Variants in PTPN11 observed in about 807,000 individuals in gnomAD.
PTPN11 encodes protein tyrosine phosphatase non-receptor type 11.
Under a neutral mutation model 78.8 loss-of-function variants are expected in PTPN11, and 6 were observed. That is an observed-to-expected ratio of 0.08 (90% confidence interval 0.04 to 0.15). The LOEUF (loss-of-function observed/expected upper bound fraction) is 0.15, where lower values mean the gene tolerates loss of function less well. Among genes scored for constraint, PTPN11 ranks in the 10% least tolerant of loss-of-function variants. The pLI is 1.00. For missense variants in PTPN11, 386 were observed against 744.8 expected, an observed-to-expected ratio of 0.52 and a Z score of 5.61; for synonymous variants, 221 against 263.5, an observed-to-expected ratio of 0.84 and a Z score of 1.56.
intron 3 of PTPN11, 99 bp from the exon 4 acceptor site, chr12:112,453,096 A>G: frequency 9.7e-7 from 1 of 1,033,188 alleles, no homozygotes; most frequent in South Asian, 1.4e-5. Flanking sequence ...CTACTTTTTA[A>G]TTGTGTTTAG....
intron 4 of PTPN11, 69 bp downstream of exon 4, chr12:112,453,456 A>C: frequency 8.1e-7 from 1 of 1,227,712 alleles, no homozygotes; most frequent in South Asian, 1.2e-5. Flanking sequence ...CTGACAGAAG[A>C]CAGACACCAT....
intron 2 of PTPN11, among the ~76,000 whole-genome samples, chr12:112,449,391 C>T (rs1429850300): frequency 6.6e-6 from 1 of 151,638 alleles, no homozygotes; most frequent in African/African-American, 2.4e-5. Flanking sequence ...CCTGTAGTCC[C>T]AGCTACTTGG....
chr12:112,488,577 A>G (rs2038708083), intron 12 of PTPN11, 67 bp downstream of exon 12: 8 of 1,475,930 alleles, frequency 5.4e-6, no homozygotes, highest in Non-Finnish European at 7.6e-6. Flanking sequence ...AGTGCTCACG[A>G]AAACAGTCTG....
intron 1 of PTPN11, among the ~76,000 whole-genome samples, chr12:112,443,791 T>A (rs959532317): frequency 1.9e-4 from 29 of 152,000 alleles, no homozygotes; most frequent in Admixed American, 1.4e-3. Context: ...TAGCTGGGAC[T>A]ATAGGCACAC....
At chr12:112,475,052 T>C (rs1427272399) in intron 7 of PTPN11, among the ~76,000 whole-genome samples, 1 of 152,174 alleles carries the variant, frequency 6.6e-6, no homozygotes, top group Non-Finnish European at 1.5e-5. Context: ...CCAGTCACAG[T>C]TCCTCTCTCC....
At position 112,507,933 on chromosome 12, in the gene PTPN11, A is replaced by G. The variant is rs1305563622; in HGVS notation, c.*2141A>G. ...ACTGCTGTCTTCTAGTCAAACTTGT[A>G]AAGAAAAAGATTCCAGTTCAGTATT... On this transcript the variant is annotated 3_prime_UTR_variant, in exon 16 of 16. Coordinates refer to ENST00000351677, the MANE Select transcript of PTPN11 (RefSeq NM_002834.5). 1.3e-5 allele frequency: 2 copies of G among 152,664 alleles called. No individual in the cohort carries two copies. Among genetic ancestry groups the G allele is most frequent in the African/African-American group, 4.8e-5 (2 of 41,448 alleles). 9.5% of individuals were successfully genotyped at this position (152,664 alleles called of 1,614,324 possible). A position where few individuals can be genotyped will look rare whatever the true frequency, so the allele number is the denominator to read the frequency against.
intron 9 of PTPN11, among the ~76,000 whole-genome samples, chr12:112,479,781 A>G (rs1467669622): frequency 6.6e-6 from 1 of 152,196 alleles, no homozygotes; most frequent in African/African-American, 2.4e-5. Flanking sequence ...AATCAGTATC[A>G]GTCCCTTTCA....
chr12:112,485,016 T>C (rs563944329), intron 10 of PTPN11, among the ~76,000 whole-genome samples: 1 of 152,158 alleles, frequency 6.6e-6, no homozygotes, highest in East Asian at 1.9e-4. Context: ...ATCCCTGCAC[T>C]TTGGGAGGCT....
chr12:112,442,856 ATATATATATATATATATAT>A (rs2037923310), intron 1 of PTPN11, among the ~76,000 whole-genome samples: 4 of 97,834 alleles, frequency 4.1e-5, no homozygotes, highest in East Asian at 1.1e-3. Flanking sequence ...ATATATATAT[ATATATATATATATATATAT>A]ATAAATTATA....
chr12:112,488,371 A>G (rs1210955113), intron 11 of PTPN11, 72 bp from the exon 12 acceptor site: 3 of 1,204,182 alleles, frequency 2.5e-6, no homozygotes, highest in Admixed American at 3.4e-5. Context: ...GTTGATATTA[A>G]TGGCTTGGTT....
At chr12:112,450,266 G>A (rs2135861583) in intron 2 of PTPN11, 52 bp from the exon 3 acceptor site, 1 of 1,474,172 alleles carries the variant, frequency 6.8e-7, no homozygotes, top group Non-Finnish European at 9.5e-7. Context: ...TGATTTTACT[G>A]GTGTAACTCT....
chr12:112,435,262 C>T (rs2037772119), intron 1 of PTPN11, among the ~76,000 whole-genome samples: 1 of 152,144 alleles, frequency 6.6e-6, no homozygotes, highest in African/African-American at 2.4e-5. Flanking sequence ...TCAAGCAATC[C>T]TCCCACCTCA....
chr12:112,469,790 T>C (rs1470620525), intron 6 of PTPN11, among the ~76,000 whole-genome samples: 2 of 152,216 alleles, frequency 1.3e-5, no homozygotes, highest in African/African-American at 4.8e-5. Context: ...GCTGGGATTA[T>C]AGGCTTGAGC....
rs1438093199 is a variant in PTPN11, at chr12:112,443,134, C to G, written c.15-3142C>G. ...GTATATCACCAAATGTATATTATAA[C>G]AAGACTACCATCAAATCCTTATATC... On this transcript the variant is annotated intron_variant, in intron 1 of 15. Transcript: ENST00000351677. 4.6e-5 allele frequency among the ~76,000 whole-genome samples: 7 copies of G among 151,392 alleles called. 1 individual carries two copies. Among genetic ancestry groups the G allele is most frequent in the Non-Finnish European group, 8.8e-5 (6 of 67,898 alleles).
At chr12:112,487,807 A>G (rs2038698417) in intron 11 of PTPN11, among the ~76,000 whole-genome samples, 1 of 152,078 alleles carries the variant, frequency 6.6e-6, no homozygotes, top group African/African-American at 2.4e-5. Context: ...TTTTTGAGAC[A>G]GAGTCTCACT....
intron 1 of PTPN11, among the ~76,000 whole-genome samples, chr12:112,437,133 C>G (rs1379616114): frequency 6.6e-6 from 1 of 151,890 alleles, no homozygotes; most frequent in Non-Finnish European, 1.5e-5. Context: ...ATTGTTTCAT[C>G]TTTTACGTTT....
At chr12:112,457,477 T>A in intron 6 of PTPN11, 1 of 176,568 alleles carries the variant, frequency 5.7e-6, no homozygotes, top group South Asian at 9.9e-5. Context: ...GCAATAAACA[T>A]ATGTGTGCAT....
At chr12:112,426,316 G>A (rs952389062) in intron 1 of PTPN11, among the ~76,000 whole-genome samples, 6 of 152,044 alleles carry the variant, frequency 3.9e-5, no homozygotes, top group African/African-American at 1.4e-4. Context: ...GAGTGCAGTG[G>A]CACCATCTTG....
chr12:112,501,084 T>G (rs1370477174), intron 13 of PTPN11, among the ~76,000 whole-genome samples: 1 of 152,156 alleles, frequency 6.6e-6, no homozygotes, highest in Non-Finnish European at 1.5e-5. Context: ...CATTAGTATT[T>G]GATATGGCTA....
Sources: allele counts gnomAD v4.1 joint callset (sites outside exome capture counted in the v4.1 genomes callset), GRCh38; gene constraint gnomAD v4.1.1; transcripts MANE v1.5; gene names NCBI Gene and HGNC (gene_info 2026-07-23, HGNC 2026-07-21).